ADGRL3: variants seen among roughly 807,000 people sequenced by gnomAD.
The protein encoded by ADGRL3 is adhesion G protein-coupled receptor L3.
A neutral mutation model predicts 153.5 loss-of-function variants in ADGRL3; 62 were observed. That is an observed-to-expected ratio of 0.40 (90% CI 0.33 to 0.50). The LOEUF (loss-of-function observed/expected upper bound fraction) is 0.50. Among genes scored for constraint, ADGRL3 ranks in the 20% least tolerant of loss-of-function variants. The pLI is 0.47. For missense variants in ADGRL3, 1,641 were observed against 1,859.4 expected, an observed-to-expected ratio of 0.88 and a Z score of 2.16; for synonymous variants, 710 against 672.5, an observed-to-expected ratio of 1.06 and a Z score of -0.86.
At chr4:61,791,920 G>A (rs2097347359) in intron 8 of ADGRL3, among the ~76,000 whole-genome samples, 1 of 152,130 alleles carries the variant, frequency 6.6e-6, no homozygotes, top group Non-Finnish European at 1.5e-5. Context: ...AAGAGGAGGG[G>A]AACCCTGGGC....
intron 5 of ADGRL3, among the ~76,000 whole-genome samples, chr4:61,667,186 A>G (rs1267419187): frequency 6.6e-6 from 1 of 152,166 alleles, no homozygotes; most frequent in African/African-American, 2.4e-5. Flanking sequence ...AATATTGTCC[A>G]GAGGTATGTG....
intron 1 of ADGRL3, among the ~76,000 whole-genome samples, chr4:61,280,960 C>T (rs2093698291): frequency 6.6e-6 from 1 of 151,880 alleles, no homozygotes; most frequent in Admixed American, 6.6e-5. Flanking sequence ...TTTGAAGAAA[C>T]ATATTGATAG....
intron 4 of ADGRL3, among the ~76,000 whole-genome samples, chr4:61,578,611 C>T (rs1579642051): frequency 6.6e-6 from 1 of 151,950 alleles, no homozygotes; most frequent in East Asian, 1.9e-4. Flanking sequence ...TCTGATTTTA[C>T]TACTGTTCAC....
chr4:61,291,359 CAAT>C lies in ADGRL3; in HGVS notation c.-240+89595_-240+89597del, dbSNP rs71999780. On this transcript the variant is annotated intron_variant, in intron 1 of 26. Coordinates refer to ENST00000683033, the MANE Select transcript of ADGRL3 (RefSeq NM_001387552.1). Reference sequence around the variant, plus strand: ...ACAAATATAAAACAATACAGTGTAACAATGATTTATGTAGCATTTACAATGTAT... The same window carrying C: ...ACAAATATAAAACAATACAGTGTAACGATTTATGTAGCATTTACAATGTAT... 4.3e-3 allele frequency among the ~76,000 whole-genome samples: 649 copies of C among 151,444 alleles called. 6 individuals carry two copies. Among genetic ancestry groups the C allele is most frequent in the African/African-American group, 0.014 (594 of 41,190 alleles).
At chr4:61,445,659 C>A (rs1198421174) in intron 2 of ADGRL3, among the ~76,000 whole-genome samples, 1 of 152,102 alleles carries the variant, frequency 6.6e-6, no homozygotes, top group African/African-American at 2.4e-5. Context: ...CATTGTAGAT[C>A]CTTTAGATCT....
In ADGRL3 at chr4:61,971,669, A is replaced by G. The variant is rs889806139; in HGVS notation, c.2806-7894A>G. Among the ~76,000 whole-genome samples, 415 of 152,246 alleles carry G rather than the reference A, an allele frequency of 2.7e-3. 5 individuals are homozygous for G. In the South Asian group the frequency reaches 0.03, roughly 11 times the overall value. On this transcript the variant is annotated intron_variant, in intron 17 of 26. Coordinates refer to ENST00000683033, the MANE Select transcript of ADGRL3 (RefSeq NM_001387552.1). Reference sequence around the variant, plus strand: ...ATGATTTATAGTCCTTTGGGTATATACCCAGTAATGGGATGGCTGTGTCAA... The same window carrying G: ...ATGATTTATAGTCCTTTGGGTATATGCCCAGTAATGGGATGGCTGTGTCAA...
intron 21 of ADGRL3, among the ~76,000 whole-genome samples, chr4:62,027,378 A>T (rs1317703885): frequency 1.3e-5 from 2 of 152,026 alleles, no homozygotes; most frequent in Admixed American, 1.3e-4. Context: ...CATGTCCATT[A>T]TGGCAGCTAC....
At chr4:61,763,335 G>A (rs1270283508) in intron 8 of ADGRL3, among the ~76,000 whole-genome samples, 1 of 151,230 alleles carries the variant, frequency 6.6e-6, no homozygotes, top group Non-Finnish European at 1.5e-5. Context: ...CTACAGGTGT[G>A]TGCCACCATG....
At position 61,948,387 on chromosome 4, in the gene ADGRL3, G is replaced by C. The variant is rs1042402137; in HGVS notation, c.2805+111G>C. 41 of 730,598 alleles carry C rather than the reference G, an allele frequency of 5.6e-5. No individual in the cohort carries two copies. The African/African-American group carries it at 6.2e-4, about 11-fold the overall frequency. 45.3% of individuals were successfully genotyped at this position (730,598 alleles called of 1,614,324 possible). A position where few individuals can be genotyped will look rare whatever the true frequency, so the allele number is the denominator to read the frequency against. ...ATTTCAATGTTTTCCTACTTTCATA[G>C]TAATTCTATTAAGGAACTCTCTGAT... On this transcript the variant is annotated intron_variant, in intron 17 of 26. Transcript: ENST00000683033.
intron 1 of ADGRL3, among the ~76,000 whole-genome samples, chr4:61,335,640 G>A (rs2151037700): frequency 6.6e-6 from 1 of 152,240 alleles, no homozygotes; most frequent in East Asian, 1.9e-4. Context: ...AGCTGTCAGG[G>A]CAAAGATTGG....
At chr4:62,010,844 TA>T (rs1560503066) in intron 21 of ADGRL3, among the ~76,000 whole-genome samples, 1 of 152,176 alleles carries the variant, frequency 6.6e-6, no homozygotes, top group Non-Finnish European at 1.5e-5. Flanking sequence ...ATAAAATTTT[TA>T]AAACTTACTC....
intron 4 of ADGRL3, among the ~76,000 whole-genome samples, chr4:61,548,217 C>A (rs555107057): frequency 1.3e-5 from 2 of 152,082 alleles, no homozygotes; most frequent in Admixed American, 6.6e-5. Context: ...TGTTTTTTCT[C>A]CATTTGTAGG....
At chr4:61,905,361 G>C (rs2098690279) in intron 11 of ADGRL3, among the ~76,000 whole-genome samples, 1 of 152,098 alleles carries the variant, frequency 6.6e-6, no homozygotes, top group Non-Finnish European at 1.5e-5. Context: ...TTTATGTACA[G>C]AAATTTAAAT....
chr4:61,972,868 C>A (rs2099034112), intron 17 of ADGRL3, among the ~76,000 whole-genome samples: 1 of 151,846 alleles, frequency 6.6e-6, no homozygotes, highest in South Asian at 2.1e-4. Context: ...AAATCCAGCT[C>A]AACATTAAAA....
rs180901153 is a variant in ADGRL3 at position 61,575,471 on chromosome 4, T to A, written c.260-11756T>A. ...TGTTGTCTCATGGTATCATATTTTGTTTTGTTTTTCCATCATAGTTCTTGT... is the reference window on the plus strand; with the variant it reads ...TGTTGTCTCATGGTATCATATTTTGATTTGTTTTTCCATCATAGTTCTTGT... On this transcript the variant is annotated intron_variant, in intron 4 of 26. Transcript: ENST00000683033. 2.0e-3 allele frequency among the ~76,000 whole-genome samples: 304 copies of A among 152,106 alleles called. 2 individuals are homozygous for A. Among genetic ancestry groups the A allele is most frequent in the Non-Finnish European group, 2.3e-3 (154 of 67,926 alleles).
intron 4 of ADGRL3, among the ~76,000 whole-genome samples, chr4:61,560,092 A>G (rs2098788276): frequency 6.6e-6 from 1 of 152,042 alleles, no homozygotes; most frequent in African/African-American, 2.4e-5. Context: ...CTGACCAGAG[A>G]GCATTAAAGA....
intron 9 of ADGRL3, among the ~76,000 whole-genome samples, chr4:61,881,214 G>A (rs1284331493): frequency 3.3e-5 from 5 of 151,936 alleles, no homozygotes; most frequent in African/African-American, 9.7e-5. Flanking sequence ...TATTAGAAAC[G>A]AACAGATATA....
chr4:61,370,890 C>G (rs1260020677), intron 1 of ADGRL3, among the ~76,000 whole-genome samples: 2 of 151,638 alleles, frequency 1.3e-5, no homozygotes, highest in Non-Finnish European at 2.9e-5. Context: ...TCACTCAGGA[C>G]TTGCTTTATG....
intron 1 of ADGRL3, among the ~76,000 whole-genome samples, chr4:61,281,287 C>G (rs1033739633): frequency 6.6e-6 from 1 of 152,022 alleles, no homozygotes; most frequent in Non-Finnish European, 1.5e-5. Context: ...AGATTTTTAG[C>G]TTTGTCCATT....
Sources: allele counts gnomAD v4.1 joint callset (sites outside exome capture counted in the v4.1 genomes callset), GRCh38; gene constraint gnomAD v4.1.1; transcripts MANE v1.5; gene names NCBI Gene and HGNC (gene_info 2026-07-23, HGNC 2026-07-21).